VWC2L: variants seen among roughly 807,000 people sequenced by gnomAD.
VWC2L encodes von Willebrand factor C domain containing 2 like.
Under a neutral mutation model 21.6 loss-of-function variants are expected in VWC2L, and 10 were observed. That is an observed-to-expected ratio of 0.46 (90% CI 0.29 to 0.78). The LOEUF is 0.78. Ranked by LOEUF, VWC2L falls within the 30% of genes least tolerant of loss-of-function variation. VWC2L has a pLI of 0.10. For missense variants in VWC2L, 209 were observed against 277.1 expected (o/e 0.75, Z 1.74); for synonymous variants, 96 against 94.3 (o/e 1.02, Z -0.10).
chr2:214,436,400 T>C (rs1702679501), intron 2 of VWC2L: 4 of 475,300 alleles, frequency 8.4e-6, no homozygotes, highest in Non-Finnish European at 1.5e-5. Flanking sequence ...GGAAAAGTCA[T>C]ACACGGGTGC....
chr2:214,571,156 A>G (rs968193059), intron 3 of VWC2L, among the ~76,000 whole-genome samples: 1 of 152,186 alleles, frequency 6.6e-6, no homozygotes, highest in African/African-American at 2.4e-5. Context: ...ACAAAAACCA[A>G]CTAGACTTCT....
At chr2:214,491,152 T>A (rs1376736149) in intron 3 of VWC2L, among the ~76,000 whole-genome samples, 1 of 152,194 alleles carries the variant, frequency 6.6e-6, no homozygotes, top group African/African-American at 2.4e-5. Flanking sequence ...AATTATACAC[T>A]TTAAAATGGT....
chr2:214,459,567 T>C (rs1356853227), intron 3 of VWC2L, among the ~76,000 whole-genome samples: 1 of 152,218 alleles, frequency 6.6e-6, no homozygotes. Flanking sequence ...TTATATTTTG[T>C]GTGTGTTTTA....
chr2:214,523,657 G>A (rs1195115065), intron 3 of VWC2L, among the ~76,000 whole-genome samples: 1 of 152,058 alleles, frequency 6.6e-6, no homozygotes, highest in East Asian at 1.9e-4. Context: ...TGGCCAACAT[G>A]GTGAAACCCC....
At chr2:214,432,913 T>C (rs1455328286) in intron 2 of VWC2L, among the ~76,000 whole-genome samples, 2 of 151,790 alleles carry the variant, frequency 1.3e-5, no homozygotes, top group South Asian at 2.1e-4. Flanking sequence ...TTCCAGCTAT[T>C]TGGGAGGCTG....
rs137878291 is a variant in VWC2L at position 214,444,361 on chromosome 2, G to A, written c.520+7603G>A. On this transcript the variant is annotated intron_variant, in intron 3 of 3. Coordinates refer to ENST00000312504, the MANE Select transcript of VWC2L (RefSeq NM_001080500.4). ...GCCAAAAACTTCAAAAGACATTCCA[G>A]AGAAAATGAATAAACATTAATTTGG... 2.4e-4 allele frequency among the ~76,000 whole-genome samples: 36 copies of A among 151,952 alleles called. No individual in the cohort carries two copies. In the East Asian group the frequency reaches 6.8e-3, roughly 29 times the overall value.
At chr2:214,563,149 G>A (rs1427231145) in intron 3 of VWC2L, among the ~76,000 whole-genome samples, 2 of 152,006 alleles carry the variant, frequency 1.3e-5, no homozygotes, top group Admixed American at 1.3e-4. Flanking sequence ...TAAGGAAGGG[G>A]TCCAGTTTCA....
At chr2:214,521,123 G>T (rs970681497) in intron 3 of VWC2L, among the ~76,000 whole-genome samples, 1 of 151,966 alleles carries the variant, frequency 6.6e-6, no homozygotes, top group Non-Finnish European at 1.5e-5. Flanking sequence ...TACTCGGGAG[G>T]CTGAGGCAGG....
intron 1 of VWC2L, 28 bp from the exon 2 acceptor site, chr2:214,414,086 A>ATTATTCTT: frequency 8.0e-7 from 1 of 1,243,398 alleles, no homozygotes; most frequent in South Asian, 1.6e-5. Flanking sequence ...TATATGTCAA[A>ATTATTCTT]TTATTCTTTT....
chr2:214,479,059 C>T (rs1688565385), intron 3 of VWC2L, among the ~76,000 whole-genome samples: 1 of 152,184 alleles, frequency 6.6e-6, no homozygotes, highest in Non-Finnish European at 1.5e-5. Flanking sequence ...GATGCCCCCT[C>T]CTCACTCTCA....
intron 3 of VWC2L, among the ~76,000 whole-genome samples, chr2:214,438,318 AAAGG>A (rs1702708433): frequency 6.6e-6 from 1 of 151,994 alleles, no homozygotes; most frequent in Non-Finnish European, 1.5e-5. Context: ...TCCAAGGATA[AAAGG>A]AAGAAAAACT....
chr2:214,554,767 T>C (rs1371052241), intron 3 of VWC2L, among the ~76,000 whole-genome samples: 1 of 152,206 alleles, frequency 6.6e-6, no homozygotes, highest in African/African-American at 2.4e-5. Context: ...AGACTCTTTG[T>C]AGCAATAAGA....
chr2:214,414,030 C>A, intron 1 of VWC2L, 84 bp from the exon 2 acceptor site: 1 of 745,538 alleles, frequency 1.3e-6, no homozygotes, highest in Non-Finnish European at 2.0e-6. Context: ...AAATTGATCC[C>A]AAACAGTTTA....
At chr2:214,414,909 T>C in intron 2 of VWC2L, 1 of 280,786 alleles carries the variant, frequency 3.6e-6, no homozygotes, top group South Asian at 4.4e-5. Context: ...TTGTGTATAG[T>C]GTATGTGTCT....
intron 2 of VWC2L, among the ~76,000 whole-genome samples, chr2:214,422,501 C>T (rs866799694): frequency 1.3e-5 from 2 of 152,124 alleles, no homozygotes; most frequent in Admixed American, 1.3e-4. Flanking sequence ...AAAAACCTAT[C>T]GGTGTATTTT....
At chr2:214,537,899 GC>G (rs2105919447) in intron 3 of VWC2L, among the ~76,000 whole-genome samples, 1 of 88,384 alleles carries the variant, frequency 1.1e-5, no homozygotes, top group East Asian at 4.0e-4. Flanking sequence ...AAGGATAGTG[GC>G]CTTTTTTTTT....
chr2:214,481,103 A>G (rs573643878), intron 3 of VWC2L, among the ~76,000 whole-genome samples: 2 of 152,316 alleles, frequency 1.3e-5, no homozygotes, highest in African/African-American at 2.4e-5. Context: ...GGGATTCACC[A>G]TAATAACACC....
At chr2:214,548,668 TA>T in intron 3 of VWC2L, among the ~76,000 whole-genome samples, 1 of 152,338 alleles carries the variant, frequency 6.6e-6, no homozygotes, top group Non-Finnish European at 1.5e-5. Context: ...GCTGCTGTGA[TA>T]ATAGCTTGCT....
rs543765397 is a variant in VWC2L at position 214,429,001 on chromosome 2, C to T, written c.391-7628C>T. Among the ~76,000 whole-genome samples, 8 of 152,190 alleles carry T rather than the reference C, an allele frequency of 5.3e-5. No individual in the cohort carries two copies. In the East Asian group the frequency reaches 1.2e-3, roughly 22 times the overall value. ...TCTTTCTCTTTTCTGTTATCACTTC[C>T]TTTCAATGTTTTCTGCAGAATAGGC... On this transcript the variant is annotated intron_variant, in intron 2 of 3. Coordinates refer to ENST00000312504, the MANE Select transcript of VWC2L (RefSeq NM_001080500.4).
Sources: gnomAD v4.1 joint callset for allele counts (sites outside exome capture counted in the v4.1 genomes callset) on GRCh38, gnomAD v4.1.1 for gene constraint, MANE v1.5 for transcripts, NCBI Gene and HGNC (gene_info 2026-07-23, HGNC 2026-07-21) for gene names.